CFAP46: variants seen among roughly 807,000 people sequenced by gnomAD.
The protein encoded by CFAP46 is cilia and flagella associated protein 46.
A neutral mutation model predicts 325.7 loss-of-function variants in CFAP46; 245 were observed. The ratio of observed to expected loss-of-function variants is 0.75; its 90% confidence interval spans 0.68 to 0.84. CFAP46 has a LOEUF of 0.84. Ranked by LOEUF, CFAP46 falls within the 40% of genes least tolerant of loss-of-function variation. The pLI is 0.00. For missense variants in CFAP46, 3,346 were observed against 3,543.0 expected (o/e 0.94, Z 1.41); for synonymous variants, 1,523 against 1,495.9 (o/e 1.02, Z -0.42).
intron 40 of CFAP46, 37 bp downstream of exon 40, chr10:132,851,080 G>A (rs1466466183): frequency 1.1e-5 from 18 of 1,609,378 alleles, no homozygotes; most frequent in East Asian, 4.5e-5. Context: ...GTGGCCTGGC[G>A]CTCCCTCCAC....
chr10:132,922,405 G>T, intron 12 of CFAP46, 75 bp downstream of exon 12: 1 of 1,467,196 alleles, frequency 6.8e-7, no homozygotes, highest in Non-Finnish European at 9.1e-7. Context: ...CCGCCCTGCT[G>T]TGCCCTCAGA....
rs751718347 is a variant in CFAP46, at chr10:132,885,936, G to A, written c.3328C>T (p.Arg1110Cys). 28 of 1,549,836 alleles carry A rather than the reference G, an allele frequency of 1.8e-5. No individual in the cohort carries two copies. Among genetic ancestry groups the A allele is most frequent in the Middle Eastern group, 1.7e-4 (1 of 5,998 alleles). The change falls in exon 26 of 58, where the codon CGT becomes TGT. Residue 1110 changes from arginine to cysteine, a missense_variant. Coordinates refer to ENST00000368586, the MANE Select transcript of CFAP46 (RefSeq NM_001200049.3). ...LPGAEDDLAL[R>C]AALYGLLFHS... is the part of the protein sequence containing the mutation. ...AAGAGCAGGCCGTAGAGCGCAGCAC[G>A]GAGCGCCAGGTCGTCCTCAGCCCCT...
At position 132,910,080 on chromosome 10, in the gene CFAP46, G is replaced by A. The variant is rs893706376; in HGVS notation, c.2500-12C>T. On this transcript the variant is annotated splice_polypyrimidine_tract_variant and intron_variant, in intron 19 of 57. Coordinates refer to ENST00000368586, the MANE Select transcript of CFAP46 (RefSeq NM_001200049.3). Reference sequence around the variant, plus strand: ...GCAAACTCGCAGACCTAGGACAGACGTGTTCTCGGTCACGAAACCTGAATT... The same window carrying A: ...GCAAACTCGCAGACCTAGGACAGACATGTTCTCGGTCACGAAACCTGAATT... 3.2e-5 allele frequency: 45 copies of A among 1,411,954 alleles called. No homozygotes were observed. The East Asian group carries it at 4.3e-4, about 14-fold the overall frequency. 87.5% of individuals were successfully genotyped at this position (1,411,954 alleles called of 1,614,324 possible).
intron 32 of CFAP46, among the ~76,000 whole-genome samples, chr10:132,870,532 A>G (rs142450937): frequency 1.3e-5 from 2 of 152,304 alleles, no homozygotes; most frequent in Admixed American, 6.5e-5. Context: ...ATGAATACAA[A>G]TGACGAGAAG....
At chr10:132,872,630 G>A (rs531641485) in intron 32 of CFAP46, 46 bp downstream of exon 32, 1 of 1,548,424 alleles carries the variant, frequency 6.5e-7, no homozygotes, top group Non-Finnish European at 8.7e-7. Flanking sequence ...GTTTATTTTT[G>A]TTTTGCTTTG....
At chr10:132,836,628 C>G (rs1417868029) in intron 45 of CFAP46, among the ~76,000 whole-genome samples, 189 bp downstream of exon 45, 1 of 59,552 alleles carries the variant, frequency 1.7e-5, no homozygotes, top group African/African-American at 1.1e-4. Flanking sequence ...TGTGGCGTCT[C>G]TGGACGGCCC....
In CFAP46 at chr10:132,885,977, G is replaced by C; in HGVS notation, c.3305-18C>G. 6.5e-7 allele frequency: 1 copy of C among 1,548,308 alleles called. No individual in the cohort carries two copies. The highest frequency in any genetic ancestry group is 8.7e-7 in the Non-Finnish European group (1 of 1,145,490). On this transcript the variant is annotated intron_variant, in intron 25 of 57. Coordinates refer to ENST00000368586, the MANE Select transcript of CFAP46 (RefSeq NM_001200049.3). Reference sequence around the variant, plus strand: ...CTCAGCCCCTGGGAGGGAGAAGGAGGGGTGTCCTTGGAGCCGCCTGATCCC... The same window carrying C: ...CTCAGCCCCTGGGAGGGAGAAGGAGCGGTGTCCTTGGAGCCGCCTGATCCC...
intron 53 of CFAP46, 125 bp downstream of exon 53, chr10:132,814,452 G>T (rs1267813919): frequency 7.9e-7 from 1 of 1,269,736 alleles, no homozygotes; most frequent in East Asian, 2.5e-5. Flanking sequence ...GCCAAAATGG[G>T]GCAAGCACAT....
chr10:132,816,902 C>T (rs994061932), intron 50 of CFAP46, among the ~76,000 whole-genome samples: 2 of 152,158 alleles, frequency 1.3e-5, no homozygotes, highest in African/African-American at 4.8e-5. Context: ...AGATGCGGGC[C>T]GTCTGCCTGT....
At position 132,939,121 on chromosome 10, in the gene CFAP46, C is replaced by A. The variant is rs571099840; in HGVS notation, c.372-368G>T. Among the ~76,000 whole-genome samples the A allele has an allele frequency of 3.5e-4, 54 of 152,320 alleles. 1 individual carries two copies. The highest frequency in any genetic ancestry group is 3.4e-3 in the Middle Eastern group (1 of 294). The stretch of plus-strand genomic sequence containing the variant: ...CCACTGGGCAAGGCCTCCTCTGACT[C>A]TCAAGGGATAGACAAGAATGGGCAA... On this transcript the variant is annotated intron_variant, in intron 4 of 57. Coordinates refer to ENST00000368586, the MANE Select transcript of CFAP46 (RefSeq NM_001200049.3). The surrounding 1 kb of genome is among the most constrained non-coding windows in gnomAD (Gnocchi z 4.6).
At chr10:132,871,098 T>G (rs182469698) in intron 32 of CFAP46, among the ~76,000 whole-genome samples, 355 of 152,326 alleles carry the variant, frequency 2.3e-3, no homozygotes, top group Non-Finnish European at 3.0e-3. Context: ...GCTCCGTAAG[T>G]GTACAACAAA....
intron 41 of CFAP46, among the ~76,000 whole-genome samples, chr10:132,849,144 C>T (rs1246025502): frequency 1.3e-5 from 2 of 152,254 alleles, no homozygotes; most frequent in African/African-American, 2.4e-5. Flanking sequence ...GCCCTGGCCC[C>T]TCCTCGCTGG....
chr10:132,880,013 CAG>C (rs756784502), intron 28 of CFAP46, among the ~76,000 whole-genome samples: 18 of 152,158 alleles, frequency 1.2e-4, no homozygotes, highest in Non-Finnish European at 2.5e-4. Context: ...CTCATCCTGA[CAG>C]GGGGCTAGAA....
intron 49 of CFAP46, 55 bp from the exon 50 acceptor site, chr10:132,833,580 G>A: frequency 6.4e-7 from 1 of 1,566,514 alleles, no homozygotes; most frequent in Non-Finnish European, 8.7e-7. Flanking sequence ...CCCTCCCACG[G>A]GGTCGCAGGG....
At chr10:132,825,921 G>A (rs1325837170) in intron 50 of CFAP46, among the ~76,000 whole-genome samples, 2 of 152,052 alleles carry the variant, frequency 1.3e-5, no homozygotes, top group Non-Finnish European at 2.9e-5. Flanking sequence ...CGGGGGGTGG[G>A]GCAGATAAAT....
chr10:132,883,464 G>A (rs1282452939), intron 27 of CFAP46, among the ~76,000 whole-genome samples: 2 of 152,230 alleles, frequency 1.3e-5, no homozygotes, highest in African/African-American at 2.4e-5. Flanking sequence ...ATAGTCAGAC[G>A]ACATCAAGAG....
intron 17 of CFAP46, among the ~76,000 whole-genome samples, chr10:132,913,885 T>G (rs994529904): frequency 2.1e-5 from 3 of 144,560 alleles, no homozygotes; most frequent in Non-Finnish European, 4.5e-5. Flanking sequence ...GGCCTGGTGC[T>G]CCCCTTTCCC....
At position 132,922,596 on chromosome 10, in the gene CFAP46, T is replaced by C. The variant is rs1849742789; in HGVS notation, c.1369A>G (p.Ser457Gly). Residue 457 changes from serine to glycine, a missense_variant, in exon 12 of 58, where the codon AGC becomes GGC. Coordinates refer to ENST00000368586, the MANE Select transcript of CFAP46 (RefSeq NM_001200049.3). ...ATCCTGTCCCGGTAGAGGCCCAGGC[T>C]GTCCAGGCGCGCGGCTTTCCGGAGG... ...EHLRKAARLDSLGLYRDRIQM... is the reference protein window; with the variant it reads ...EHLRKAARLDGLGLYRDRIQM... 6.5e-7 allele frequency: 1 copy of C among 1,549,254 alleles called. No homozygotes were observed. The highest frequency in any genetic ancestry group is 2.4e-5 in the East Asian group (1 of 40,914).
chr10:132,863,998 T>G (rs1848764092), intron 35 of CFAP46, among the ~76,000 whole-genome samples: 1 of 142,888 alleles, frequency 7.0e-6, no homozygotes, highest in Non-Finnish European at 1.5e-5. Flanking sequence ...CTGTCCCCAG[T>G]GCCTGAGACC....
Sources: gnomAD v4.1 joint callset for allele counts (sites outside exome capture counted in the v4.1 genomes callset) on GRCh38, gnomAD v4.1.1 for gene constraint, Gnocchi (gnomAD v3.1) non-coding constraint, MANE v1.5 for transcripts, NCBI Gene and HGNC (gene_info 2026-07-23, HGNC 2026-07-21) for gene names.